CIMIP6: variants seen among roughly 807,000 people sequenced by gnomAD.
The protein encoded by CIMIP6 is uncharacterized protein C2orf73.
At chr2:54,380,504 G>A in the CIMIP6 span, among the ~76,000 whole-genome samples, 49 of 152,146 alleles carry the variant, frequency 3.2e-4, 1 homozygote, top group African/African-American at 1.1e-3. Context: ...CCAGCTGATT[G>A]ATAACTTTCT....
the CIMIP6 span, among the ~76,000 whole-genome samples, chr2:54,332,918 G>A: frequency 6.6e-6 from 1 of 152,326 alleles, no homozygotes; most frequent in South Asian, 2.1e-4. Flanking sequence ...CCAGTAATCA[G>A]TTTTTCCAAA....
the CIMIP6 span, chr2:54,358,887 T>C: frequency 1.8e-3 from 1,173 of 656,452 alleles, 3 homozygotes; most frequent in Non-Finnish European, 2.6e-3. Flanking sequence ...ATATTTTATA[T>C]TATTAATACT....
At chr2:54,346,387 G>A in the CIMIP6 span, among the ~76,000 whole-genome samples, 1 of 152,176 alleles carries the variant, frequency 6.6e-6, no homozygotes, top group African/African-American at 2.4e-5. Context: ...AAAGGAACCA[G>A]TCTAAAAACC....
At chr2:54,339,025 G>T in the CIMIP6 span, among the ~76,000 whole-genome samples, 2 of 71,536 alleles carry the variant, frequency 2.8e-5, 1 homozygote, top group East Asian at 4.9e-4. Context: ...GCATGGCGGT[G>T]CGTGCCTGTA....
chr2:54,341,358 G>A, the CIMIP6 span, among the ~76,000 whole-genome samples: 2 of 152,142 alleles, frequency 1.3e-5, no homozygotes, highest in African/African-American at 4.8e-5. Context: ...CACCATGTGA[G>A]GATGCAGTGT....
the CIMIP6 span, among the ~76,000 whole-genome samples, chr2:54,336,247 T>C: frequency 6.6e-6 from 1 of 152,224 alleles, no homozygotes; most frequent in African/African-American, 2.4e-5. Context: ...AAAGTTCCCC[T>C]ATGCCCTTTT....
At chr2:54,337,710 T>C in the CIMIP6 span, among the ~76,000 whole-genome samples, 8 of 152,368 alleles carry the variant, frequency 5.3e-5, no homozygotes, top group South Asian at 1.7e-3. Context: ...TAAGAGCTGC[T>C]ATCATCAAGA....
At chr2:54,362,093 TG>T in the CIMIP6 span, among the ~76,000 whole-genome samples, 1 of 152,212 alleles carries the variant, frequency 6.6e-6, no homozygotes, top group African/African-American at 2.4e-5. Context: ...TGAATTTACA[TG>T]TAAGACTTCT....
chr2:54,368,982 G>A, the CIMIP6 span, among the ~76,000 whole-genome samples: 3 of 152,140 alleles, frequency 2.0e-5, no homozygotes, highest in East Asian at 5.8e-4. Context: ...GTGAGGGAGT[G>A]AGTTCTGGGG....
At chr2:54,331,446 T>TTAGATCG in the CIMIP6 span, among the ~76,000 whole-genome samples, 1 of 151,982 alleles carries the variant, frequency 6.6e-6, no homozygotes, top group South Asian at 2.1e-4. Context: ...GTCAGAGCTA[T>TTAGATCG]CCGTTTACAG....
the CIMIP6 span, among the ~76,000 whole-genome samples, chr2:54,334,664 C>T: frequency 6.6e-6 from 1 of 152,226 alleles, no homozygotes; most frequent in South Asian, 2.1e-4. Flanking sequence ...AAATGGCCTC[C>T]TAAATTTTAA....
the CIMIP6 span, among the ~76,000 whole-genome samples, chr2:54,354,729 T>C: frequency 6.6e-6 from 1 of 152,112 alleles, no homozygotes; most frequent in South Asian, 2.1e-4. Flanking sequence ...ATTGATGGAC[T>C]CTTGTGGTTT....
chr2:54,358,053 G>T, the CIMIP6 span, among the ~76,000 whole-genome samples: 1 of 152,136 alleles, frequency 6.6e-6, no homozygotes, highest in East Asian at 1.9e-4. Flanking sequence ...AAACATACAT[G>T]GAGCACAGAC....
the CIMIP6 span, among the ~76,000 whole-genome samples, chr2:54,353,784 A>G: frequency 6.6e-6 from 1 of 152,054 alleles, no homozygotes; most frequent in Non-Finnish European, 1.5e-5. Flanking sequence ...ATTAGTTCCC[A>G]CGTTACAAAT....
the CIMIP6 span, among the ~76,000 whole-genome samples, chr2:54,373,610 A>T: frequency 1.3e-5 from 2 of 152,180 alleles, no homozygotes; most frequent in East Asian, 1.9e-4. Flanking sequence ...TCTTCACCCT[A>T]GTATAATTAG....
chr2:54,382,940 G>A, the CIMIP6 span: 2 of 152,150 alleles, frequency 1.3e-5, no homozygotes, highest in African/African-American at 2.4e-5. Context: ...GGCGGAGATG[G>A]CAGTATATGA....
At chr2:54,342,724 T>G in the CIMIP6 span, among the ~76,000 whole-genome samples, 2 of 152,110 alleles carry the variant, frequency 1.3e-5, no homozygotes, top group Non-Finnish European at 2.9e-5. Flanking sequence ...AATCATAGTT[T>G]AGAAGTCTTT....
the CIMIP6 span, among the ~76,000 whole-genome samples, chr2:54,373,395 C>G: frequency 6.6e-6 from 1 of 152,086 alleles, no homozygotes; most frequent in Admixed American, 6.6e-5. Context: ...CCGATATCAC[C>G]CTCTCAGAAG....
At chr2:54,378,727 G>C in the CIMIP6 span, among the ~76,000 whole-genome samples, 2 of 152,224 alleles carry the variant, frequency 1.3e-5, no homozygotes, top group South Asian at 4.2e-4. Flanking sequence ...GAGAAAACTG[G>C]AATGTTGTCC....
Sources: gnomAD v4.1 joint callset for allele counts (sites outside exome capture counted in the v4.1 genomes callset) on GRCh38, gnomAD v4.1.1 for gene constraint, MANE v1.5 for transcripts, NCBI Gene and HGNC (gene_info 2026-07-23, HGNC 2026-07-21) for gene names.